TPO: variants seen among roughly 807,000 people sequenced by gnomAD.
TPO encodes the protein thyroid peroxidase.
A neutral mutation model predicts 96.9 loss-of-function variants in TPO; 78 were observed. The observed-to-expected ratio is 0.81, with a 90% CI of 0.67 to 0.97. The LOEUF is 0.97. Ranked by LOEUF, TPO falls within the 50% of genes least tolerant of loss-of-function variation. TPO has a pLI of 0.00. For synonymous variants in TPO, 547 were observed against 538.0 expected (o/e 1.02, Z -0.23); for missense variants, 1,252 against 1,274.8 (o/e 0.98, Z 0.27).
chr2:1,521,902 C>G (rs1008295978), intron 15 of TPO, among the ~76,000 whole-genome samples: 1 of 152,030 alleles, frequency 6.6e-6, no homozygotes, highest in Non-Finnish European at 1.5e-5. Context: ...GTGGGTTCAG[C>G]TAAACGCATT....
At chr2:1,529,199 T>A (rs1156924560) in intron 15 of TPO, among the ~76,000 whole-genome samples, 1 of 45,914 alleles carries the variant, frequency 2.2e-5, no homozygotes, top group Non-Finnish European at 3.5e-5. Context: ...TCCCCCCCAC[T>A]CTGTGCAACC....
chr2:1,465,917 T>G (rs1668855139), intron 7 of TPO, among the ~76,000 whole-genome samples: 1 of 152,158 alleles, frequency 6.6e-6, no homozygotes, highest in South Asian at 2.1e-4. Flanking sequence ...TGGCTAGGAT[T>G]TCGAGTACTA....
intron 1 of TPO, among the ~76,000 whole-genome samples, chr2:1,382,804 T>C (rs1197372327): frequency 1.3e-5 from 2 of 152,174 alleles, no homozygotes; most frequent in Non-Finnish European, 2.9e-5. Flanking sequence ...TGTATACATG[T>C]ACCATGTTGG....
Position 1,516,264 on chromosome 2 carries a change from C to A in TPO, c.2519-619C>A, listed in dbSNP as rs376942166. Reference sequence around the variant, plus strand: ...CTGCACTTCTCTGTCTGATTCCCACCAACCTTGTTCGGTTTCTTTCTGGAA... The same window carrying A: ...CTGCACTTCTCTGTCTGATTCCCACAAACCTTGTTCGGTTTCTTTCTGGAA... On this transcript the variant is annotated intron_variant, in intron 14 of 16. Coordinates refer to ENST00000329066, the MANE Select transcript of TPO (RefSeq NM_001206744.2). Among the ~76,000 whole-genome samples the A allele has an allele frequency of 2.0e-4, 30 of 152,314 alleles. 1 individual carries two copies. Among genetic ancestry groups the A allele is most frequent in the African/African-American group, 6.5e-4 (27 of 41,572 alleles).
At chr2:1,437,721 A>T (rs1250645123) in intron 5 of TPO, among the ~76,000 whole-genome samples, 1 of 152,188 alleles carries the variant, frequency 6.6e-6, no homozygotes, top group Non-Finnish European at 1.5e-5. Context: ...GCCATGTGTG[A>T]GGATCTGATC....
upstream of TPO, among the ~76,000 whole-genome samples, chr2:1,410,540 C>T (rs1337114914): frequency 1.3e-5 from 2 of 152,202 alleles, no homozygotes; most frequent in African/African-American, 4.8e-5. Context: ...TCTATGGAGA[C>T]ATCAAGCAAA....
intron 5 of TPO, among the ~76,000 whole-genome samples, chr2:1,446,083 T>C (rs1026692476): frequency 2.6e-5 from 4 of 152,114 alleles, no homozygotes; most frequent in African/African-American, 7.2e-5. Flanking sequence ...GAGGGACAGG[T>C]GGCCGAGTCT....
chr2:1,527,797 CACA>C (rs1676936739), intron 15 of TPO, among the ~76,000 whole-genome samples: 2 of 147,910 alleles, frequency 1.4e-5, no homozygotes, highest in African/African-American at 5.1e-5. Flanking sequence ...CCCAAAATCC[CACA>C]CACTGTATGC....
intron 10 of TPO, 104 bp downstream of exon 10, chr2:1,488,095 A>G: frequency 6.5e-7 from 1 of 1,533,806 alleles, no homozygotes; most frequent in Non-Finnish European, 8.9e-7. Context: ...ACAATCACAA[A>G]TCTGAGGCCT....
chr2:1,442,847 G>T (rs1015691766), intron 5 of TPO, among the ~76,000 whole-genome samples: 7 of 152,202 alleles, frequency 4.6e-5, no homozygotes, highest in African/African-American at 1.7e-4. Context: ...AAAGGTCAGT[G>T]ATTGATTATG....
At chr2:1,456,392 C>T (rs1667789940) in intron 7 of TPO, 110 bp downstream of exon 7, 2 of 1,186,784 alleles carry the variant, frequency 1.7e-6, no homozygotes, top group Non-Finnish European at 2.4e-6. Context: ...TGTCCTATTC[C>T]CAGGGGTAGC....
intron 14 of TPO, among the ~76,000 whole-genome samples, chr2:1,506,019 A>G (rs1002590003): frequency 6.7e-6 from 1 of 150,260 alleles, no homozygotes; most frequent in African/African-American, 2.4e-5. Context: ...TATATCTCCT[A>G]ATGCTATCCT....
intron 13 of TPO, among the ~76,000 whole-genome samples, chr2:1,497,989 A>G (rs1672519104): frequency 8.8e-6 from 1 of 114,238 alleles, no homozygotes. Flanking sequence ...AACCCCATCT[A>G]CCAAAAAAAA....
At chr2:1,451,236 C>A (rs1201412033) in intron 5 of TPO, among the ~76,000 whole-genome samples, 4 of 152,196 alleles carry the variant, frequency 2.6e-5, no homozygotes, top group Non-Finnish European at 5.9e-5. Flanking sequence ...CAAAACGGAT[C>A]TTTCCTTCAC....
chr2:1,495,433 A>G (rs941187696), intron 11 of TPO, among the ~76,000 whole-genome samples: 1 of 152,222 alleles, frequency 6.6e-6, no homozygotes, highest in African/African-American at 2.4e-5. Flanking sequence ...CTGATTAATC[A>G]TGGCCTGGAG....
intron 1 of TPO, among the ~76,000 whole-genome samples, chr2:1,388,883 T>C (rs1280932212): frequency 6.6e-6 from 1 of 152,176 alleles, no homozygotes; most frequent in African/African-American, 2.4e-5. Context: ...AATAAAGTAT[T>C]TCCACCTGTA....
At position 1,542,424 on chromosome 2, in the gene TPO, A is replaced by C. The variant is rs750739156; in HGVS notation, c.2752A>C (p.Ser918Arg). ...RAAAQDSEQE[S>R]AGMEGRDTHR... ...TGTTTGTTCTGCATTTTTGCAGGAG[A>C]GTGCTGGGATGGAAGGCCGGGATAC... Residue 918 changes from serine (S) to arginine (R), a missense_variant, in exon 17 of 17, where the codon AGT (serine) becomes CGT (arginine). By Grantham distance (110) the Ser-to-Arg change is moderately radical. Transcript: ENST00000329066. 11 of 1,614,022 alleles carry C rather than the reference A, an allele frequency of 6.8e-6. No individual in the cohort carries two copies. In the African/African-American group the frequency reaches 1.5e-4, roughly 22 times the overall value.
At chr2:1,492,313 C>T (rs1459694664) in intron 10 of TPO, among the ~76,000 whole-genome samples, 1 of 152,162 alleles carries the variant, frequency 6.6e-6, no homozygotes, top group Non-Finnish European at 1.5e-5. Flanking sequence ...CGCCATCACG[C>T]CCAGCTAATT....
At chr2:1,375,430 G>A (rs950179842) in intron 1 of TPO, among the ~76,000 whole-genome samples, 2 of 152,066 alleles carry the variant, frequency 1.3e-5, no homozygotes, top group East Asian at 1.9e-4. Context: ...CCTGTGACCC[G>A]AGCCTTTTCC....
Sources: gnomAD v4.1 joint callset for allele counts (sites outside exome capture counted in the v4.1 genomes callset) on GRCh38, gnomAD v4.1.1 for gene constraint, MANE v1.5 for transcripts, NCBI Gene and HGNC (gene_info 2026-07-23, HGNC 2026-07-21) for gene names.